Variants in NAALADL2 observed in about 807,000 individuals in gnomAD.
The protein encoded by NAALADL2 is N-acetylated alpha-linked acidic dipeptidase like 2.
In NAALADL2, 76 loss-of-function variants were observed where a neutral mutation model predicts 87.2. The ratio of observed to expected loss-of-function variants is 0.87; its 90% confidence interval spans 0.72 to 1.05. NAALADL2 has a LOEUF of 1.05. Ranked by LOEUF, NAALADL2 falls within the 50% of genes least tolerant of loss-of-function variation. The pLI is 0.00. For missense variants in NAALADL2, 1,089 were observed against 945.8 expected (o/e 1.15, Z -1.99); for synonymous variants, 354 against 331.0 (o/e 1.07, Z -0.75).
At chr3:174,604,844 C>T (rs1351550736) in intron 2 of NAALADL2, among the ~76,000 whole-genome samples, 1 of 151,676 alleles carries the variant, frequency 6.6e-6, no homozygotes, top group Admixed American at 6.6e-5. Context: ...TCTTGGCTCA[C>T]CACAACCTCC....
In NAALADL2 at chr3:174,863,516, T is replaced by C. The variant is rs76353314; in HGVS notation, c.43+4066T>C. Reference sequence around the variant, plus strand: ...TAAGTTCATAGGCACATGTATGGAATGTTTCTTCATAATAGAGTCATTGTT... The same window carrying C: ...TAAGTTCATAGGCACATGTATGGAACGTTTCTTCATAATAGAGTCATTGTT... On this transcript the variant is annotated intron_variant, in intron 1 of 13. Coordinates refer to ENST00000454872, the MANE Select transcript of NAALADL2 (RefSeq NM_207015.3). 6.4e-3 allele frequency among the ~76,000 whole-genome samples: 979 copies of C among 152,130 alleles called. 11 individuals are homozygous for C. The highest frequency in any genetic ancestry group is 0.022 in the African/African-American group (925 of 41,514).
chr3:175,370,669 A>G (rs1220602821), intron 5 of NAALADL2, among the ~76,000 whole-genome samples: 5 of 152,210 alleles, frequency 3.3e-5, no homozygotes, highest in African/African-American at 4.8e-5. Flanking sequence ...CCACATAGGC[A>G]GGATGTGGCT....
chr3:174,656,623 T>C (rs1275056174), intron 2 of NAALADL2, among the ~76,000 whole-genome samples: 1 of 152,192 alleles, frequency 6.6e-6, no homozygotes, highest in African/African-American at 2.4e-5. Flanking sequence ...GATTAAACTG[T>C]TTAGTATTTC....
At chr3:175,263,639 TAAC>T (rs1751458831) in intron 4 of NAALADL2, among the ~76,000 whole-genome samples, 1 of 151,782 alleles carries the variant, frequency 6.6e-6, no homozygotes, top group Non-Finnish European at 1.5e-5. Flanking sequence ...TATACAAAGT[TAAC>T]AATATTAAAT....
chr3:175,768,616 A>G (rs1749063299), intron 13 of NAALADL2, among the ~76,000 whole-genome samples: 1 of 152,164 alleles, frequency 6.6e-6, no homozygotes, highest in Non-Finnish European at 1.5e-5. Context: ...TTGGGAGGCC[A>G]AGGTGGGCAG....
intron 1 of NAALADL2, among the ~76,000 whole-genome samples, chr3:174,875,967 TAGATA>T (rs1289769690): frequency 2.6e-5 from 4 of 151,842 alleles, no homozygotes; most frequent in African/African-American, 9.7e-5. Context: ...ACTTAAAAGA[TAGATA>T]AAAGTGAAAC....
Position 174,795,286 on chromosome 3 carries a change from C to T in NAALADL2, c.-9+57540C>T, listed in dbSNP as rs777260787. Among the ~76,000 whole-genome samples, 4 of 151,878 alleles carry T rather than the reference C, an allele frequency of 2.6e-5. No homozygotes were observed. In the East Asian group the frequency reaches 5.8e-4, roughly 22 times the overall value. On this transcript the variant is annotated intron_variant, in intron 3 of 3. Coordinates refer to the NAALADL2 transcript ENST00000434257. ...TGCTGGGATTACAGGCATCAGCCAC[C>T]ACACCCGGCCTTCTAGTCCAGCATT...
At chr3:175,556,438 A>G (rs1348391730) in intron 9 of NAALADL2, among the ~76,000 whole-genome samples, 1 of 151,982 alleles carries the variant, frequency 6.6e-6, no homozygotes, top group East Asian at 1.9e-4. Context: ...AATCCCGTCT[A>G]AAGTGCAAAG....
At chr3:174,722,380 C>G (rs979572758) in intron 2 of NAALADL2, among the ~76,000 whole-genome samples, 1 of 152,128 alleles carries the variant, frequency 6.6e-6, no homozygotes, top group Non-Finnish European at 1.5e-5. Context: ...TAATTTAACC[C>G]TCCTATTGCT....
chr3:175,674,259 TG>T (rs200837576), intron 11 of NAALADL2, among the ~76,000 whole-genome samples: 8,577 of 148,350 alleles, frequency 0.058, 475 homozygotes, highest in African/African-American at 0.15. Flanking sequence ...TTTTTTTTTT[TG>T]TTTGTTTTGT....
intron 3 of NAALADL2, among the ~76,000 whole-genome samples, chr3:174,761,318 A>T (rs1403522968): frequency 6.6e-6 from 1 of 152,318 alleles, no homozygotes; most frequent in Non-Finnish European, 1.5e-5. Flanking sequence ...GATGATAATT[A>T]AAAAAACTAA....
At chr3:174,485,888 T>C (rs1378796201) in intron 1 of NAALADL2, among the ~76,000 whole-genome samples, 1 of 152,056 alleles carries the variant, frequency 6.6e-6, no homozygotes, top group Non-Finnish European at 1.5e-5. Flanking sequence ...AAGTCTTTGA[T>C]CCATCTTGAG....
chr3:174,773,099 T>C (rs1714783197), intron 3 of NAALADL2, among the ~76,000 whole-genome samples: 1 of 151,990 alleles, frequency 6.6e-6, no homozygotes, highest in African/African-American at 2.4e-5. Flanking sequence ...ACAGCAGTCA[T>C]GCAGATAATT....
At chr3:175,427,792 A>C (rs1436157109) in intron 5 of NAALADL2, among the ~76,000 whole-genome samples, 3 of 78,268 alleles carry the variant, frequency 3.8e-5, no homozygotes, top group African/African-American at 1.0e-4. Flanking sequence ...GTAGGAATAC[A>C]ATAAAGTAAT....
At chr3:174,519,899 A>G (rs1200671647) in intron 1 of NAALADL2, among the ~76,000 whole-genome samples, 1 of 152,172 alleles carries the variant, frequency 6.6e-6, no homozygotes, top group East Asian at 1.9e-4. Flanking sequence ...TGAATGGGAA[A>G]AAGTTGAAAG....
intron 1 of NAALADL2, among the ~76,000 whole-genome samples, chr3:174,923,997 G>A (rs963772714): frequency 6.6e-6 from 1 of 152,106 alleles, no homozygotes; most frequent in African/African-American, 2.4e-5. Flanking sequence ...GACTGACTAG[G>A]TTTTTAAAAG....
intron 10 of NAALADL2, among the ~76,000 whole-genome samples, chr3:175,619,889 G>A (rs1325682605): frequency 1.3e-5 from 2 of 151,898 alleles, no homozygotes; most frequent in African/African-American, 2.4e-5. Flanking sequence ...CTGATCCCAC[G>A]TGATGGCTAG....
intron 2 of NAALADL2, among the ~76,000 whole-genome samples, chr3:175,136,188 G>A (rs73176772): frequency 0.076 from 11,551 of 152,184 alleles, 550 homozygotes; most frequent in African/African-American, 0.13. Context: ...AGACATCATT[G>A]CAGTGTAAGA....
At chr3:175,600,770 C>G (rs1722876907) in intron 10 of NAALADL2, among the ~76,000 whole-genome samples, 1 of 151,894 alleles carries the variant, frequency 6.6e-6, no homozygotes, top group African/African-American at 2.4e-5. Flanking sequence ...ATCTCCTGAC[C>G]TCGTGATCCG....
Sources: allele counts gnomAD v4.1 joint callset (sites outside exome capture counted in the v4.1 genomes callset), GRCh38; gene constraint gnomAD v4.1.1; transcripts MANE v1.5; gene names NCBI Gene and HGNC (gene_info 2026-07-23, HGNC 2026-07-21).